Variants in DCAF5 observed in about 807,000 individuals in gnomAD.
The protein encoded by DCAF5 is DDB1 and CUL4 associated factor 5, also known as DDB1- and CUL4-associated factor 5.
DCAF5 carries 9 observed loss-of-function variants against 80.7 expected under a neutral mutation model. The observed-to-expected ratio is 0.11, with a 90% CI of 0.07 to 0.19. The LOEUF (loss-of-function observed/expected upper bound fraction) is 0.19. Among genes scored for constraint, DCAF5 ranks in the 10% least tolerant of loss-of-function variants. The probability of loss-of-function intolerance (pLI) is 1.00; values close to 1 mark genes in which losing one functional copy is unlikely to be tolerated. For missense variants in DCAF5, 842 were observed against 1,205.7 expected (o/e 0.70, Z 4.47); for synonymous variants, 433 against 461.9 (o/e 0.94, Z 0.80).
At chr14:69,085,147 A>C in intron 6 of DCAF5, 1 of 756,362 alleles carries the variant, frequency 1.3e-6, no homozygotes. Flanking sequence ...ATACAAACCT[A>C]CGATTCCCAT....
At position 69,118,312 on chromosome 14, in the gene DCAF5, C is replaced by T. The variant is rs746738523; in HGVS notation, c.396-34G>A. On this transcript the variant is annotated intron_variant, in intron 3 of 8. Transcript: ENST00000341516. This position sits in a 1 kb window ranked among gnomAD's most constrained non-coding sequence, Gnocchi z 4.0. Reference sequence around the variant, plus strand: ...TAAGAGAGCAAGACAGAGGCACACACATACACACAAGCATAGTGCAGAGTC... The same window carrying T: ...TAAGAGAGCAAGACAGAGGCACACATATACACACAAGCATAGTGCAGAGTC... The T allele has an allele frequency of 6.2e-7, 1 of 1,610,540 alleles. No homozygotes were observed. Among genetic ancestry groups the T allele is most frequent in the South Asian group, 1.1e-5 (1 of 90,790 alleles).
chr14:69,080,279 C>T (rs1014338703), intron 6 of DCAF5, among the ~76,000 whole-genome samples: 3 of 151,940 alleles, frequency 2.0e-5, no homozygotes, highest in Admixed American at 1.3e-4. Flanking sequence ...CTGAGTGGGG[C>T]GCTGCTGATG....
At chr14:69,106,940 G>A (rs1417776437) in intron 5 of DCAF5, among the ~76,000 whole-genome samples, 3 of 152,118 alleles carry the variant, frequency 2.0e-5, no homozygotes, top group Non-Finnish European at 4.4e-5. Context: ...TACTTGGGAG[G>A]CTGAGGCAGG....
chr14:69,078,129 C>T (rs565979706), intron 6 of DCAF5, among the ~76,000 whole-genome samples: 1 of 152,244 alleles, frequency 6.6e-6, no homozygotes, highest in African/African-American at 2.4e-5. Flanking sequence ...ACTCATAAGG[C>T]CAGTCTTGTT....
chr14:69,071,410 G>A (rs1237968112), intron 7 of DCAF5, among the ~76,000 whole-genome samples: 1 of 152,062 alleles, frequency 6.6e-6, no homozygotes, highest in Non-Finnish European at 1.5e-5. Context: ...TCTCCATCTC[G>A]TTCTCTCAGC....
At chr14:69,121,786 C>T (rs2040726988) in intron 2 of DCAF5, among the ~76,000 whole-genome samples, 1 of 152,122 alleles carries the variant, frequency 6.6e-6, no homozygotes, top group Non-Finnish European at 1.5e-5. Flanking sequence ...TAACACAACA[C>T]TTTTCAAACA....
chr14:69,145,731 A>C (rs1211938251), intron 1 of DCAF5, among the ~76,000 whole-genome samples: 1 of 152,206 alleles, frequency 6.6e-6, no homozygotes, highest in African/African-American at 2.4e-5. Context: ...TAACTTAGGT[A>C]ATCTTCATCT....
chr14:69,124,071 A>G (rs1447234028), intron 1 of DCAF5, among the ~76,000 whole-genome samples: 2 of 152,272 alleles, frequency 1.3e-5, no homozygotes, highest in East Asian at 1.9e-4. Flanking sequence ...CAAATCACAC[A>G]GTATTTCTCC....
At chr14:69,073,453 G>C (rs750198376) in intron 7 of DCAF5, among the ~76,000 whole-genome samples, 1 of 152,056 alleles carries the variant, frequency 6.6e-6, no homozygotes, top group Non-Finnish European at 1.5e-5. Context: ...CGTTATTGCA[G>C]CTCTGGCAGA....
intron 2 of DCAF5, among the ~76,000 whole-genome samples, chr14:69,121,160 T>G (rs569037232): frequency 6.6e-6 from 1 of 152,164 alleles, no homozygotes; most frequent in African/African-American, 2.4e-5. Context: ...GCCAGACAGA[T>G]AGATTGGGAT....
Position 69,055,019 on chromosome 14 carries a change from T to C in DCAF5, c.1667A>G (p.Glu556Gly), listed in dbSNP as rs1195633940. 6.2e-7 allele frequency: 1 copy of C among 1,614,200 alleles called. No homozygotes were observed. The highest frequency in any genetic ancestry group is 1.7e-5 in the Admixed American group (1 of 60,034). The change falls in exon 9 of 9, where the codon GAA (glutamate) becomes GGA (glycine). Residue 556 changes from glutamate (E) to glycine (G), a missense_variant. Glu to Gly is a moderately conservative substitution (Grantham distance 98). This residue lies in a region of DCAF5 where 607 missense variants were observed against 656.6 expected (regional missense o/e 0.92). Coordinates refer to ENST00000341516, the MANE Select transcript of DCAF5 (RefSeq NM_003861.3). The surrounding 1 kb of genome is among the most constrained non-coding windows in gnomAD (Gnocchi z 5.6). ...LFPRPRSPSP[E>G]DESSSSSSSS... ...GCTGCTGGAACTGCTGGATTCATCT[T>C]CGGGGCTGGGTGACCGTGGCCGGGG...
Position 69,150,129 on chromosome 14 carries a change from G to A in DCAF5, c.214+2636C>T, listed in dbSNP as rs75556723. Among the ~76,000 whole-genome samples, 549 of 152,328 alleles carry A rather than the reference G, an allele frequency of 3.6e-3. 8 individuals carry two copies. Among genetic ancestry groups the A allele is most frequent in the South Asian group, 0.028 (137 of 4,828 alleles). On this transcript the variant is annotated intron_variant, in intron 1 of 8. Coordinates refer to ENST00000341516, the MANE Select transcript of DCAF5 (RefSeq NM_003861.3). ...TATGTTCAAGGAACAAATAGGAAAA[G>A]CTAGGTGTATCTTAGCCAAAATGGA...
intron 8 of DCAF5, among the ~76,000 whole-genome samples, chr14:69,061,082 T>G (rs1197774726): frequency 1.3e-5 from 2 of 152,058 alleles, no homozygotes; most frequent in African/African-American, 2.4e-5. Flanking sequence ...CATGGTTCAC[T>G]GTAGCACGAC....
At chr14:69,081,671 C>A (rs1429422127) in intron 6 of DCAF5, among the ~76,000 whole-genome samples, 1 of 152,136 alleles carries the variant, frequency 6.6e-6, no homozygotes, top group Non-Finnish European at 1.5e-5. Flanking sequence ...AAGAACAACA[C>A]TGAAAAAGAT....
chr14:69,054,047 T>C lies in DCAF5; in HGVS notation c.2639A>G (p.His880Arg), dbSNP rs779032272. The C allele has an allele frequency of 1.2e-6, 2 of 1,613,772 alleles. No individual in the cohort carries two copies. Among genetic ancestry groups the C allele is most frequent in the African/African-American group, 2.7e-5 (2 of 75,038 alleles). ...DNSSLTGTLL[H>R]KDCCGSEMAC... ...CATTTCAGACCCGCAACAATCTTTGTGTAGGAGTGTCCCTGTCAGGGACGA... is the reference window on the plus strand; with the variant it reads ...CATTTCAGACCCGCAACAATCTTTGCGTAGGAGTGTCCCTGTCAGGGACGA... Residue 880 changes from histidine (H) to arginine (R), a missense_variant, in exon 9 of 9, where the codon CAC (histidine) becomes CGC (arginine). This residue lies in a region of DCAF5 where 607 missense variants were observed against 656.6 expected (regional missense o/e 0.92). Coordinates refer to ENST00000341516, the MANE Select transcript of DCAF5 (RefSeq NM_003861.3).
At chr14:69,096,639 C>T (rs1338896989) in intron 5 of DCAF5, among the ~76,000 whole-genome samples, 1 of 152,020 alleles carries the variant, frequency 6.6e-6, no homozygotes, top group African/African-American at 2.4e-5. Context: ...ACTTTTTTGG[C>T]CCACAGGTTC....
At chr14:69,081,237 A>G (rs1374560532) in intron 6 of DCAF5, among the ~76,000 whole-genome samples, 1 of 152,168 alleles carries the variant, frequency 6.6e-6, no homozygotes, top group Non-Finnish European at 1.5e-5. Context: ...ATTTCCCAAA[A>G]CACCCTGAGT....
At chr14:69,056,021 CA>C (rs2037957088) in intron 8 of DCAF5, among the ~76,000 whole-genome samples, 1 of 152,148 alleles carries the variant, frequency 6.6e-6, no homozygotes, top group Admixed American at 6.5e-5. Flanking sequence ...TAAAGACTTT[CA>C]GAAGACTGAA....
intron 1 of DCAF5, among the ~76,000 whole-genome samples, chr14:69,143,553 CTTTTTTTT>C (rs562355110): frequency 9.8e-6 from 1 of 102,202 alleles, no homozygotes; most frequent in African/African-American, 3.8e-5. Flanking sequence ...ATCTGTTAAA[CTTTTTTTT>C]TTTTTTTTTT....
Sources: allele counts gnomAD v4.1 joint callset (sites outside exome capture counted in the v4.1 genomes callset), GRCh38; gene constraint gnomAD v4.1.1; regional missense constraint gnomAD v4.1.1; non-coding constraint Gnocchi (gnomAD v3.1); transcripts MANE v1.5; gene names NCBI Gene and HGNC (gene_info 2026-07-23, HGNC 2026-07-21).